Variants in RYR3 observed in about 807,000 individuals in gnomAD.
RYR3 encodes the protein ryanodine receptor 3.
Under a neutral mutation model 584.3 loss-of-function variants are expected in RYR3, and 207 were observed. That is an observed-to-expected ratio of 0.35 (90% CI 0.32 to 0.40). The LOEUF is 0.40. RYR3 is among the 10% of genes least tolerant of loss of function. RYR3 has a pLI of 1.00. For missense variants in RYR3, 5,616 were observed against 6,089.2 expected (o/e 0.92, Z 2.59); for synonymous variants, 2,416 against 2,248.5 (o/e 1.07, Z -2.11).
Position 33,750,180 on chromosome 15 carries a change from C to T in RYR3, c.8293C>T (p.Leu2765Phe). Residue 2765 changes from leucine to phenylalanine, a missense_variant, in exon 57 of 104, where the codon CTT becomes TTT. This residue lies in a region of RYR3 where 1,280 missense variants were observed against 1,426.2 expected (regional missense o/e 0.90). Transcript: ENST00000634891. ...GACCCCAGGTGGTGGCAGCCACCCT[C>T]TTCTGGTACCATATGACACCTTGAC... ...LESKGGGSHP[L>F]LVPYDTLTAK... is the part of the protein sequence containing the mutation. The T allele has an allele frequency of 6.2e-7, 1 of 1,609,594 alleles. No homozygotes were observed. Among genetic ancestry groups the T allele is most frequent in the Non-Finnish European group, 8.5e-7 (1 of 1,178,056 alleles).
chr15:33,733,356 C>T lies in RYR3; in HGVS notation c.7424+1662C>T, dbSNP rs114511567. On this transcript the variant is annotated intron_variant, in intron 48 of 103. Transcript: ENST00000634891. ...AAACTTGGGAGCAATCAAGATGTTTCTGAGTGGGCGAATGGATAAATAAAC... is the reference window on the plus strand; with the variant it reads ...AAACTTGGGAGCAATCAAGATGTTTTTGAGTGGGCGAATGGATAAATAAAC... Among the ~76,000 whole-genome samples, 1,131 of 152,226 alleles carry T rather than the reference C, an allele frequency of 7.4e-3. 13 individuals are homozygous for T. The highest frequency in any genetic ancestry group is 0.026 in the African/African-American group (1,080 of 41,538).
chr15:33,405,719 G>GA (rs1237944671), intron 1 of RYR3, among the ~76,000 whole-genome samples: 2 of 152,216 alleles, frequency 1.3e-5, no homozygotes, highest in African/African-American at 4.8e-5. Context: ...AGGTTGCAAA[G>GA]AGGGAAACTT....
chr15:33,794,365 A>T (rs2075454027), intron 67 of RYR3, among the ~76,000 whole-genome samples: 1 of 145,164 alleles, frequency 6.9e-6, no homozygotes, highest in African/African-American at 2.5e-5. Context: ...ATATATATAA[A>T]ATCTTTTCTT....
intron 79 of RYR3, 32 bp downstream of exon 79, chr15:33,821,401 T>C: frequency 6.3e-7 from 1 of 1,585,576 alleles, no homozygotes; most frequent in East Asian, 2.3e-5. Flanking sequence ...TGGGCTTATG[T>C]AACTTCCACA....
chr15:33,668,304 G>A (rs926673116), intron 36 of RYR3, among the ~76,000 whole-genome samples: 6 of 151,986 alleles, frequency 3.9e-5, no homozygotes, highest in African/African-American at 4.8e-5. Flanking sequence ...GCAACAGAGC[G>A]AGACTCTGTC....
In RYR3 at chr15:33,530,639, T is replaced by G; in HGVS notation, c.327T>G (p.Val109=). Residue 109 remains valine (V), a synonymous_variant, in exon 4 of 104, where the codon GTT becomes GTG. Transcript: ENST00000634891. ...GHRTLLYGHA[V]LLRHSFSGMY... ...GGACCCTGTTATACGGCCATGCAGT[T>G]CTCCTGAGGCACTCTTTCAGCGGAA... 1 of 1,613,666 alleles carries G rather than the reference T, an allele frequency of 6.2e-7. No homozygotes were observed. Among genetic ancestry groups the G allele is most frequent in the Non-Finnish European group, 8.5e-7 (1 of 1,179,724 alleles).
intron 39 of RYR3, 30 bp from the exon 40 acceptor site, chr15:33,697,852 G>T (rs746927730): frequency 7.2e-7 from 1 of 1,389,438 alleles, no homozygotes; most frequent in South Asian, 1.2e-5. Context: ...ATAAGCAGGT[G>T]CTGAAGACTC....
chr15:33,791,721 G>C (rs1447411329), intron 67 of RYR3, among the ~76,000 whole-genome samples: 1 of 152,186 alleles, frequency 6.6e-6, no homozygotes, highest in Non-Finnish European at 1.5e-5. Flanking sequence ...TGCATTTAAT[G>C]AGAGGTGAGG....
chr15:33,864,659 G>A (rs1186929432), intron 103 of RYR3: 3 of 177,434 alleles, frequency 1.7e-5, no homozygotes, highest in African/African-American at 4.8e-5. Flanking sequence ...AAATGGAAAG[G>A]TAGAGAACAA....
chr15:33,780,215 C>T lies in RYR3; in HGVS notation c.9142C>T (p.Arg3048Cys), dbSNP rs763223227. 1.8e-5 allele frequency: 29 copies of T among 1,613,334 alleles called. No individual in the cohort carries two copies. Among genetic ancestry groups the T allele is most frequent in the African/African-American group, 9.3e-5 (7 of 74,924 alleles). Residue 3048 changes from arginine (R) to cysteine (C), a missense_variant, in exon 65 of 104, where the codon CGC becomes TGC. Transcript: ENST00000634891. ...AATGGACTTCTTTGTTTCCAGGCAA[C>T]GCCCTGCCCTTGGAGAATGTCTGGC... Reference protein sequence around the residue: ...TGKNIYVERQRPALGECLASL... With the variant: ...TGKNIYVERQCPALGECLASL...
At position 33,823,341 on chromosome 15, in the gene RYR3, C is replaced by T. The variant is rs182883124; in HGVS notation, c.11072+269C>T. On this transcript the variant is annotated intron_variant, in intron 81 of 103. Coordinates refer to ENST00000634891, the MANE Select transcript of RYR3 (RefSeq NM_001036.6). ...GTTTAATCTCCCTTCCTTACCTCCACGTTTATGTTGCTTTCCCAGCAGGCT... is the reference window on the plus strand; with the variant it reads ...GTTTAATCTCCCTTCCTTACCTCCATGTTTATGTTGCTTTCCCAGCAGGCT... Among the ~76,000 whole-genome samples, 7 of 152,294 alleles carry T rather than the reference C, an allele frequency of 4.6e-5. No individual in the cohort carries two copies. In the East Asian group the frequency reaches 1.4e-3, roughly 29 times the overall value.
Position 33,785,642 on chromosome 15 carries a change from T to C in RYR3, c.9269-20T>C. 6.5e-7 allele frequency: 1 copy of C among 1,536,200 alleles called. No individual in the cohort carries two copies. Among genetic ancestry groups the C allele is most frequent in the Non-Finnish European group, 8.8e-7 (1 of 1,139,072 alleles). ...ACTGTGCTTTTGAATTTCTGTCCCT[T>C]TATTCTTCCTCTCAATCAGTTCTGG... On this transcript the variant is annotated intron_variant, in intron 65 of 103. Coordinates refer to ENST00000634891, the MANE Select transcript of RYR3 (RefSeq NM_001036.6).
chr15:33,529,308 T>G (rs941166309), intron 3 of RYR3, among the ~76,000 whole-genome samples: 1 of 152,240 alleles, frequency 6.6e-6, no homozygotes, highest in South Asian at 2.1e-4. Context: ...CTTTTTTCTC[T>G]TCTTTAGGCT....
At position 33,865,482 on chromosome 15, in the gene RYR3, T is replaced by TCAAGTTTTC. The variant is rs1198312466; in HGVS notation, c.*259_*267dup. 4.8e-6 allele frequency: 2 copies of TCAAGTTTTC among 419,720 alleles called. No homozygotes were observed. The highest frequency in any genetic ancestry group is 8.1e-5 in the Admixed American group (2 of 24,758). The allele number at this position is 419,720 out of a possible 1,614,324, so 26.0% of individuals were successfully genotyped here. A position where few individuals can be genotyped will look rare whatever the true frequency, so the allele number is the denominator to read the frequency against. ...TCAAGTAATCTCTAGGCAAATGCCT[T>TCAAGTTTTC]CAAGTTTTCCAGTTCTGAGGTAACT... On this transcript the variant is annotated 3_prime_UTR_variant, in exon 104 of 104. Coordinates refer to ENST00000634891, the MANE Select transcript of RYR3 (RefSeq NM_001036.6).
At chr15:33,327,353 C>G (rs931536994) in intron 1 of RYR3, among the ~76,000 whole-genome samples, 6 of 152,140 alleles carry the variant, frequency 3.9e-5, no homozygotes, top group Admixed American at 3.3e-4. Flanking sequence ...GCCACGAATC[C>G]ATGGGACACA....
At position 33,810,996 on chromosome 15, in the gene RYR3, G is replaced by A. The variant is rs1417946881; in HGVS notation, c.10216G>A (p.Val3406Ile). 1.2e-6 allele frequency: 2 copies of A among 1,608,964 alleles called. No individual in the cohort carries two copies. The highest frequency in any genetic ancestry group is 1.1e-5 in the South Asian group (1 of 89,252). Reference sequence around the variant, plus strand: ...TCCACAGAGGGACACAGATGAAGAGGTCAGAGAACATCTGCGGAACAACTT... The same window carrying A: ...TCCACAGAGGGACACAGATGAAGAGATCAGAGAACATCTGCGGAACAACTT... ...RYSHRDTDEEVREHLRNNLHL... is the reference protein window; with the variant it reads ...RYSHRDTDEEIREHLRNNLHL... Residue 3406 changes from valine to isoleucine, a missense_variant, in exon 72 of 104, where the codon GTC (valine) becomes ATC (isoleucine). Physicochemically the swap from Val to Ile is conservative, Grantham distance 29. Around this residue, in one of 9 missense-constraint regions of RYR3, gnomAD observed 954 missense variants for 1,132.2 expected, o/e 0.84. Coordinates refer to ENST00000634891, the MANE Select transcript of RYR3 (RefSeq NM_001036.6).
At chr15:33,315,657 G>GACAC (rs1968062261) in intron 1 of RYR3, among the ~76,000 whole-genome samples, 1 of 152,212 alleles carries the variant, frequency 6.6e-6, no homozygotes, top group Admixed American at 6.5e-5. Context: ...AGCCGAGCTG[G>GACAC]ACACACAATA....
chr15:33,854,743 A>C (rs1396202520), intron 97 of RYR3, 23 bp from the exon 98 acceptor site: 1 of 1,583,946 alleles, frequency 6.3e-7, no homozygotes, highest in African/African-American at 1.4e-5. Flanking sequence ...CATGCTTAAA[A>C]GTCTGCTTTC....
intron 43 of RYR3, among the ~76,000 whole-genome samples, chr15:33,708,456 A>G (rs2066869372): frequency 6.6e-6 from 1 of 152,160 alleles, no homozygotes; most frequent in Non-Finnish European, 1.5e-5. Context: ...CTAAATTCTA[A>G]CACTTGCTTT....
Sources: allele counts gnomAD v4.1 joint callset (sites outside exome capture counted in the v4.1 genomes callset), GRCh38; gene constraint gnomAD v4.1.1; regional missense constraint gnomAD v4.1.1; transcripts MANE v1.5; gene names NCBI Gene and HGNC (gene_info 2026-07-23, HGNC 2026-07-21).